The following SNTG1 variants were observed in gnomAD, a reference collection of about 807,000 sequenced individuals.
SNTG1 encodes the protein syntrophin gamma 1, also known as gamma-1-syntrophin.
SNTG1 carries 39 observed loss-of-function variants against 74.7 expected under a neutral mutation model. The ratio of observed to expected loss-of-function variants is 0.52; its 90% CI spans 0.40 to 0.68. SNTG1 has a LOEUF of 0.68. SNTG1 is among the 30% of genes least tolerant of loss of function. The pLI, the probability that SNTG1 is intolerant of heterozygous loss-of-function variation, is 0.00. For synonymous variants in SNTG1, 254 were observed against 217.1 expected (o/e 1.17, Z -1.49); for missense variants, 685 against 609.5 (o/e 1.12, Z -1.30).
chr8:50,750,031 A>C lies in SNTG1; in HGVS notation c.1285-1970A>C, dbSNP rs377656008. On this transcript the variant is annotated intron_variant, in intron 17 of 18. Coordinates refer to ENST00000642720, the MANE Select transcript of SNTG1 (RefSeq NM_018967.5). ...TGATGGATCTTGGCAGTCAATTAAA[A>C]ACTTTCTAGAAAGGATTCATAATTT... 1.4e-4 allele frequency among the ~76,000 whole-genome samples: 21 copies of C among 152,118 alleles called. No homozygotes were observed. The East Asian group carries it at 2.1e-3, about 16-fold the overall frequency.
intron 2 of SNTG1, among the ~76,000 whole-genome samples, chr8:50,311,736 G>T (rs1010555060): frequency 6.6e-6 from 1 of 152,130 alleles, no homozygotes; most frequent in Non-Finnish European, 1.5e-5. Flanking sequence ...GTAGGTAAGC[G>T]TTGGAAAACT....
chr8:50,751,893 G>A (rs2095568191), intron 17 of SNTG1, 108 bp from the exon 18 acceptor site: 1 of 560,404 alleles, frequency 1.8e-6, no homozygotes. Context: ...TTGGGACATA[G>A]TACTAACTTT....
chr8:50,655,782 A>T (rs2095176444), intron 13 of SNTG1, among the ~76,000 whole-genome samples: 1 of 152,314 alleles, frequency 6.6e-6, no homozygotes, highest in Admixed American at 6.5e-5. Context: ...TCACCACATT[A>T]ATGCTGCAAA....
At chr8:50,567,238 A>G (rs2094521203) in intron 12 of SNTG1, among the ~76,000 whole-genome samples, 1 of 152,070 alleles carries the variant, frequency 6.6e-6, no homozygotes, top group South Asian at 2.1e-4. Context: ...GAGGCAGGTA[A>G]AATGCTAACC....
chr8:49,964,697 G>A lies in SNTG1; in HGVS notation c.-103+52466G>A, dbSNP rs1236918010. On this transcript the variant is annotated intron_variant, in intron 1 of 18. Transcript: ENST00000642720. Reference sequence around the variant, plus strand: ...GTTTAGGCATATTTGTTGAAACAAAGTTTCCCCTTTTCTCATTTCTACATT... The same window carrying A: ...GTTTAGGCATATTTGTTGAAACAAAATTTCCCCTTTTCTCATTTCTACATT... Among the ~76,000 whole-genome samples the A allele has an allele frequency of 2.6e-5, 4 of 152,100 alleles. No homozygotes were observed. The East Asian group carries it at 7.7e-4, about 29-fold the overall frequency.
intron 2 of SNTG1, among the ~76,000 whole-genome samples, chr8:50,270,942 C>T (rs575666471): frequency 6.6e-6 from 1 of 152,172 alleles, no homozygotes; most frequent in African/African-American, 2.4e-5. Context: ...AGTTGGAAGA[C>T]GATAAAAGTT....
At chr8:50,077,919 T>C (rs1822042235) in intron 1 of SNTG1, among the ~76,000 whole-genome samples, 1 of 152,182 alleles carries the variant, frequency 6.6e-6, no homozygotes, top group Non-Finnish European at 1.5e-5. Flanking sequence ...GAGTTGGTAT[T>C]TTTATGGTGT....
chr8:50,078,219 A>T (rs1822077279), intron 1 of SNTG1, among the ~76,000 whole-genome samples: 1 of 151,976 alleles, frequency 6.6e-6, no homozygotes, highest in African/African-American at 2.4e-5. Flanking sequence ...TACATCTTCC[A>T]CCTTTTCTTT....
Position 50,024,897 on chromosome 8 carries a change from G to A in SNTG1, c.-103+112666G>A, listed in dbSNP as rs556678181. On this transcript the variant is annotated intron_variant, in intron 1 of 18. Coordinates refer to ENST00000642720, the MANE Select transcript of SNTG1 (RefSeq NM_018967.5). ...AATGATTCATGTCCCGTGGCAAGAC[G>A]GACTGGATGGCATGAGATCTCATCA... 1.2e-4 allele frequency among the ~76,000 whole-genome samples: 18 copies of A among 152,100 alleles called. 1 individual carries two copies. In the South Asian group the frequency reaches 3.1e-3, roughly 26 times the overall value.
chr8:50,403,679 A>T (rs2092833991), intron 4 of SNTG1, among the ~76,000 whole-genome samples: 1 of 152,228 alleles, frequency 6.6e-6, no homozygotes, highest in African/African-American at 2.4e-5. Context: ...TAAAGCTCAG[A>T]GTGCTAGGAA....
chr8:50,037,517 GATAA>G (rs1261588389), intron 1 of SNTG1, among the ~76,000 whole-genome samples: 4 of 152,158 alleles, frequency 2.6e-5, no homozygotes, highest in African/African-American at 4.8e-5. Flanking sequence ...ATAGATAATA[GATAA>G]ATAGTTAGAA....
intron 10 of SNTG1, among the ~76,000 whole-genome samples, chr8:50,535,217 AAGAT>A (rs1389171550): frequency 1.3e-5 from 2 of 152,192 alleles, no homozygotes; most frequent in Non-Finnish European, 2.9e-5. Context: ...TAAACATAGT[AAGAT>A]AGAGACTACA....
chr8:50,366,673 C>T (rs933753362), intron 2 of SNTG1, among the ~76,000 whole-genome samples: 1 of 144,890 alleles, frequency 6.9e-6, no homozygotes, highest in South Asian at 2.2e-4. Context: ...TAATATAGGC[C>T]TATATTATTT....
chr8:50,344,204 T>A (rs2091403979), intron 2 of SNTG1, among the ~76,000 whole-genome samples: 1 of 152,206 alleles, frequency 6.6e-6, no homozygotes, highest in South Asian at 2.1e-4. Flanking sequence ...ATATACCTTA[T>A]ATATACACCA....
chr8:50,170,534 G>C (rs1190047683), intron 1 of SNTG1, among the ~76,000 whole-genome samples: 2 of 151,968 alleles, frequency 1.3e-5, no homozygotes, highest in Non-Finnish European at 2.9e-5. Flanking sequence ...AATAGAGTGA[G>C]GCATAAGATT....
At chr8:50,045,763 C>T (rs923305417) in intron 1 of SNTG1, among the ~76,000 whole-genome samples, 11 of 152,098 alleles carry the variant, frequency 7.2e-5, no homozygotes, top group Admixed American at 6.5e-5. Context: ...GCACCAGATC[C>T]TATGGATATG....
chr8:50,710,613 C>G (rs184861452), intron 17 of SNTG1, among the ~76,000 whole-genome samples: 1 of 152,066 alleles, frequency 6.6e-6, no homozygotes, highest in African/African-American at 2.4e-5. Context: ...TCTGAGTATG[C>G]GAATCTATTC....
At chr8:49,984,338 T>G (rs1258720109) in intron 1 of SNTG1, among the ~76,000 whole-genome samples, 1 of 152,104 alleles carries the variant, frequency 6.6e-6, no homozygotes, top group Admixed American at 6.6e-5. Context: ...CCCGAGTAGC[T>G]GGGATTACAG....
intron 1 of SNTG1, among the ~76,000 whole-genome samples, chr8:50,097,214 C>T (rs1040541045): frequency 1.3e-5 from 2 of 152,060 alleles, no homozygotes; most frequent in Non-Finnish European, 2.9e-5. Flanking sequence ...TCGTGATCCG[C>T]TTGCCTTGGC....
Sources: gnomAD v4.1 joint callset for allele counts (sites outside exome capture counted in the v4.1 genomes callset) on GRCh38, gnomAD v4.1.1 for gene constraint, MANE v1.5 for transcripts, NCBI Gene and HGNC (gene_info 2026-07-23, HGNC 2026-07-21) for gene names.